NRG1: variants seen among roughly 807,000 people sequenced by gnomAD.
NRG1 encodes the protein neuregulin 1.
Under a neutral mutation model 63.8 loss-of-function variants are expected in NRG1, and 18 were observed. The ratio of observed to expected loss-of-function variants is 0.28; its 90% CI spans 0.19 to 0.42. The LOEUF is 0.42. NRG1 is among the 10% of genes least tolerant of loss of function. The pLI is 1.00. For missense variants in NRG1, 762 were observed against 814.7 expected (o/e 0.94, Z 0.79); for synonymous variants, 302 against 301.3 (o/e 1.00, Z -0.02).
At chr8:31,803,890 T>C (rs1327397215) in intron 1 of NRG1, among the ~76,000 whole-genome samples, 1 of 152,184 alleles carries the variant, frequency 6.6e-6, no homozygotes, top group Non-Finnish European at 1.5e-5. Context: ...CATTTCCATC[T>C]CAGGGCCTAA....
intron 1 of NRG1, among the ~76,000 whole-genome samples, chr8:32,488,941 G>A (rs889752726): frequency 4.6e-5 from 7 of 152,200 alleles, no homozygotes; most frequent in Admixed American, 1.3e-4. Context: ...TCATTGAGGG[G>A]CATAAAGCAG....
At chr8:32,367,666 G>A (rs906719544) in intron 1 of NRG1, among the ~76,000 whole-genome samples, 1 of 152,002 alleles carries the variant, frequency 6.6e-6, no homozygotes, top group South Asian at 2.1e-4. Context: ...TTGATGTGCT[G>A]TTAGTTTTTA....
intron 1 of NRG1, among the ~76,000 whole-genome samples, chr8:31,950,969 A>G (rs1803374957): frequency 6.6e-6 from 1 of 152,210 alleles, no homozygotes; most frequent in African/African-American, 2.4e-5. Context: ...CATCTAAGTA[A>G]TGGAAAATAA....
intron 5 of NRG1, among the ~76,000 whole-genome samples, chr8:32,695,261 G>T (rs2975497): frequency 0.68 from 103,840 of 151,868 alleles, 36,840 homozygotes; most frequent in Non-Finnish European, 0.79. Flanking sequence ...GAATCGCTTG[G>T]ACCTGGGAGT....
intron 1 of NRG1, among the ~76,000 whole-genome samples, chr8:32,337,692 G>T (rs1803495307): frequency 2.3e-5 from 1 of 43,416 alleles, no homozygotes; most frequent in Admixed American, 2.9e-4. Context: ...AGCTGATGCA[G>T]TTAGGAAAGG....
intron 5 of NRG1, chr8:32,647,556 C>A: frequency 1.0e-6 from 1 of 985,268 alleles, no homozygotes; most frequent in Non-Finnish European, 1.2e-6. Context: ...AGCTTTTCTT[C>A]CCCCCTTGCA....
intron 1 of NRG1, among the ~76,000 whole-genome samples, chr8:32,004,091 G>A (rs1330871267): frequency 6.6e-6 from 1 of 151,894 alleles, no homozygotes; most frequent in African/African-American, 2.4e-5. Context: ...AAACATGGAA[G>A]AACCTTAAAT....
chr8:32,451,178 A>AG (rs1444881385), intron 1 of NRG1, among the ~76,000 whole-genome samples: 9 of 152,174 alleles, frequency 5.9e-5, no homozygotes, highest in African/African-American at 2.2e-4. Context: ...GGACATTTGA[A>AG]TTTCTGTTTG....
In NRG1 at chr8:31,914,336, T is replaced by G. The variant is rs565748854; in HGVS notation, c.37+274905T>G. 2.0e-5 allele frequency among the ~76,000 whole-genome samples: 3 copies of G among 152,030 alleles called. No homozygotes were observed. The East Asian group carries it at 5.8e-4, about 29-fold the overall frequency. ...TGTTCACAAATTTTCTTTGTTAAAATCCTGTGCAGCTTTTTGAATTCACAC... is the reference window on the plus strand; with the variant it reads ...TGTTCACAAATTTTCTTTGTTAAAAGCCTGTGCAGCTTTTTGAATTCACAC... On this transcript the variant is annotated intron_variant, in intron 1 of 10. Coordinates refer to the NRG1 transcript ENST00000519301.
At chr8:32,220,389 A>T (rs962541889) in intron 1 of NRG1, among the ~76,000 whole-genome samples, 1 of 152,118 alleles carries the variant, frequency 6.6e-6, no homozygotes, top group Non-Finnish European at 1.5e-5. Flanking sequence ...TATTCCACGC[A>T]TCACCTTGAC....
chr8:31,834,301 A>ACGCG (rs1554546982), intron 1 of NRG1, among the ~76,000 whole-genome samples: 1 of 145,420 alleles, frequency 6.9e-6, no homozygotes. Flanking sequence ...GTGTGCGCGC[A>ACGCG]CGCGCGCACA....
chr8:32,357,800 A>T (rs1806650536), intron 1 of NRG1, among the ~76,000 whole-genome samples: 1 of 152,252 alleles, frequency 6.6e-6, no homozygotes, highest in Non-Finnish European at 1.5e-5. Flanking sequence ...TTTATAAGAC[A>T]CTGTCTTTGG....
chr8:31,978,503 T>G (rs1232729430), intron 1 of NRG1, among the ~76,000 whole-genome samples: 3 of 152,126 alleles, frequency 2.0e-5, no homozygotes, highest in African/African-American at 7.2e-5. Flanking sequence ...AGTACTATTT[T>G]CATGTCTTTC....
chr8:31,913,001 ATC>A (rs1833074352), intron 1 of NRG1, among the ~76,000 whole-genome samples: 1 of 152,216 alleles, frequency 6.6e-6, no homozygotes, highest in Non-Finnish European at 1.5e-5. Context: ...CTTAAAATTA[ATC>A]TCTGTAATAA....
rs186607438 is a variant in NRG1 at position 32,532,922 on chromosome 8, A to C, written c.38-62906A>C. On this transcript the variant is annotated intron_variant, in intron 1 of 10. Coordinates refer to the NRG1 transcript ENST00000519301. ...TGTAACAATTTCTAAGGTGTAGAAA[A>C]AACATTTACTTAAGTTGCTGGTTTT... is the stretch of plus-strand genomic sequence containing the variant. Among the ~76,000 whole-genome samples the C allele has an allele frequency of 5.4e-3, 821 of 152,086 alleles. 6 individuals are homozygous for C. Among genetic ancestry groups the C allele is most frequent in the African/African-American group, 0.018 (753 of 41,550 alleles).
intron 1 of NRG1, among the ~76,000 whole-genome samples, chr8:32,329,159 GGTTTTCCCTAT>G (rs1239833197): frequency 6.6e-6 from 1 of 151,988 alleles, no homozygotes; most frequent in Non-Finnish European, 1.5e-5. Flanking sequence ...TGTAGAGGTG[GGTTTTCCCTAT>G]GTTGCCCAGG....
intron 1 of NRG1, among the ~76,000 whole-genome samples, chr8:31,973,812 T>C (rs1344303455): frequency 6.6e-6 from 1 of 152,182 alleles, no homozygotes; most frequent in Non-Finnish European, 1.5e-5. Context: ...ATGAACCAAA[T>C]TTATCAACCA....
At chr8:32,432,817 G>A (rs1477931238) in intron 1 of NRG1, among the ~76,000 whole-genome samples, 1 of 152,108 alleles carries the variant, frequency 6.6e-6, no homozygotes, top group Admixed American at 6.6e-5. Flanking sequence ...TCACAACGAA[G>A]TGCAGTCTGC....
chr8:31,716,778 T>A (rs1439621074), intron 1 of NRG1, among the ~76,000 whole-genome samples: 1 of 152,190 alleles, frequency 6.6e-6, no homozygotes, highest in Non-Finnish European at 1.5e-5. Context: ...GGTAAAGTCT[T>A]GGAGAGTGGC....
Sources: gnomAD v4.1 joint callset for allele counts (sites outside exome capture counted in the v4.1 genomes callset) on GRCh38, gnomAD v4.1.1 for gene constraint, MANE v1.5 for transcripts, NCBI Gene and HGNC (gene_info 2026-07-23, HGNC 2026-07-21) for gene names.